The following COL20A1 variants were observed in gnomAD, a reference collection of about 807,000 sequenced individuals.
COL20A1 encodes the protein collagen type XX alpha 1 chain.
A neutral mutation model predicts 152.9 loss-of-function variants in COL20A1; 164 were observed. That is an observed-to-expected ratio of 1.07 (90% confidence interval 0.94 to 1.22). COL20A1 has a LOEUF of 1.22. Among genes scored for constraint, COL20A1 ranks in the 50% most tolerant of loss-of-function variants. The pLI is 0.00. For missense variants in COL20A1, 1,873 were observed against 1,744.8 expected, an observed-to-expected ratio of 1.07 and a Z score of -1.31; for synonymous variants, 864 against 756.0, an observed-to-expected ratio of 1.14 and a Z score of -2.34.
intron 6 of COL20A1, 33 bp downstream of exon 6, chr20:63,307,681 C>G (rs1213766903): frequency 6.3e-7 from 1 of 1,597,686 alleles, no homozygotes; most frequent in African/African-American, 1.3e-5. Context: ...TCCTGCCCCA[C>G]CCGGGTGTGG....
chr20:63,313,597 G>T lies in COL20A1; in HGVS notation c.2210-146G>T. ...GGTGTGGTGTGGTTGTGCCAGGGGG[G>T]TGATGCGGGCTGTGGTAGGGGTGTG... On this transcript the variant is annotated intron_variant, in intron 17 of 35. Coordinates refer to ENST00000358894, the MANE Select transcript of COL20A1 (RefSeq NM_020882.4). This position sits in a 1 kb window ranked among gnomAD's most constrained non-coding sequence, Gnocchi z 5.9. 2.5e-6 allele frequency: 2 copies of T among 788,298 alleles called. No individual in the cohort carries two copies. Among genetic ancestry groups the T allele is most frequent in the Non-Finnish European group, 3.9e-6 (2 of 511,182 alleles). The allele number at this position is 788,298 out of a possible 1,614,324, so 48.8% of individuals were successfully genotyped here. A position where few individuals can be genotyped will look rare whatever the true frequency, so the allele number is the denominator to read the frequency against.
chr20:63,310,621 C>T, intron 11 of COL20A1, 111 bp downstream of exon 11: 1 of 1,217,228 alleles, frequency 8.2e-7, no homozygotes, highest in Non-Finnish European at 1.1e-6. Flanking sequence ...GGATCTTAAC[C>T]ACCCACAGTT....
In COL20A1 at chr20:63,311,384, G is replaced by T. The variant is rs1202602215; in HGVS notation, c.1394-10G>T. On this transcript the variant is annotated splice_polypyrimidine_tract_variant and intron_variant, in intron 11 of 35. Transcript: ENST00000358894. This position sits in a 1 kb window ranked among gnomAD's most constrained non-coding sequence, Gnocchi z 4.4. ...GCTCCTTCCTAAAGTGTCCCTGCAT[G>T]GCCCCCCAGCACCTCTGCCTCCGCC... The T allele has an allele frequency of 1.3e-6, 2 of 1,574,808 alleles. No homozygotes were observed. The highest frequency in any genetic ancestry group is 8.6e-7 in the Non-Finnish European group (1 of 1,161,848).
intron 2 of COL20A1, among the ~76,000 whole-genome samples, chr20:63,296,098 G>A (rs1366068577): frequency 6.6e-6 from 1 of 152,262 alleles, no homozygotes; most frequent in African/African-American, 2.4e-5. Flanking sequence ...GTGTAGCGTG[G>A]AGCCGCCTGT....
In COL20A1 at chr20:63,305,287, TTC is replaced by T; in HGVS notation, c.194-128_194-127del. 1 of 671,624 alleles carries T rather than the reference TTC, an allele frequency of 1.5e-6. No individual in the cohort carries two copies. The highest frequency in any genetic ancestry group is 2.3e-6 in the Non-Finnish European group (1 of 439,530). 41.6% of individuals were successfully genotyped at this position (671,624 alleles called of 1,614,324 possible). A position where few individuals can be genotyped will look rare whatever the true frequency, so the allele number is the denominator to read the frequency against. On this transcript the variant is annotated intron_variant, in intron 3 of 35. Coordinates refer to ENST00000358894, the MANE Select transcript of COL20A1 (RefSeq NM_020882.4). The surrounding 1 kb of genome is among the most constrained non-coding windows in gnomAD (Gnocchi z 4.9). Reference sequence around the variant, plus strand: ...GTCCCTTCCATCAGACCCTCTCCCTTTCTGTCTCTCTGGCTTCAAGGGGAGCA... The same window carrying T: ...GTCCCTTCCATCAGACCCTCTCCCTTTGTCTCTCTGGCTTCAAGGGGAGCA...
chr20:63,328,263 C>A, intron 33 of COL20A1, 68 bp from the exon 34 acceptor site: 2 of 1,558,926 alleles, frequency 1.3e-6, no homozygotes, highest in South Asian at 1.2e-5. Flanking sequence ...GGTGTCCTGG[C>A]GTGGCCTGCA....
In COL20A1 at chr20:63,313,776, C is replaced by T. The variant is rs2068047807; in HGVS notation, c.2243C>T (p.Ala748Val). 5 of 1,607,972 alleles carry T rather than the reference C, an allele frequency of 3.1e-6. No homozygotes were observed. The highest frequency in any genetic ancestry group is 4.2e-6 in the Non-Finnish European group (5 of 1,177,656). ...AGCAGGAGCCCACCCTCCAACCTGG[C>T]CCTGGCCTCGGAGACCCCCGACAGC... The part of the protein sequence containing the change: ...TVSRSPPSNL[A>V]LASETPDSLQ... The change falls in exon 18 of 36, where the codon GCC (alanine) becomes GTC (valine). Residue 748 changes from alanine to valine, a missense_variant. Coordinates refer to ENST00000358894, the MANE Select transcript of COL20A1 (RefSeq NM_020882.4). This position sits in a 1 kb window ranked among gnomAD's most constrained non-coding sequence, Gnocchi z 5.9.
chr20:63,325,523 G>T (rs755663176), intron 28 of COL20A1, 29 bp downstream of exon 28: 1 of 1,600,238 alleles, frequency 6.2e-7, no homozygotes. Context: ...GGGGGCCACA[G>T]GGGTTGGTGG....
Position 63,334,755 on chromosome 20 carries a change from C to CA in COL20A1, c.*4042dup, listed in dbSNP as rs1462117250. The stretch of plus-strand genomic sequence containing the variant: ...ACAGTTTTTAGGGAAGATTCCAACT[C>CA]AAACAATTTTAAATAGTAGAAAATA... On this transcript the variant is annotated 3_prime_UTR_variant, in exon 36 of 36. Transcript: ENST00000358894. The CA allele has an allele frequency of 6.6e-6, 1 of 152,232 alleles. No individual in the cohort carries two copies. The highest frequency in any genetic ancestry group is 1.5e-5 in the Non-Finnish European group (1 of 68,054). 9.4% of individuals were successfully genotyped at this position (152,232 alleles called of 1,614,324 possible). A position where few individuals can be genotyped will look rare whatever the true frequency, so the allele number is the denominator to read the frequency against.
At position 63,325,500 on chromosome 20, in the gene COL20A1, G is replaced by A; in HGVS notation, c.3348+6G>A. The A allele has an allele frequency of 2.5e-6, 4 of 1,611,926 alleles. No individual in the cohort carries two copies. The South Asian group carries it at 3.3e-5, about 13-fold the overall frequency. ...ATGGGCTTCCAGGCTTGCAGGTAGT[G>A]TGGCTGGGGCCAGGGGGCCACAGGG... On this transcript the variant is annotated splice_donor_region_variant and intron_variant, in intron 28 of 35. Coordinates refer to ENST00000358894, the MANE Select transcript of COL20A1 (RefSeq NM_020882.4).
chr20:63,299,136 T>A (rs2123374943), intron 3 of COL20A1, among the ~76,000 whole-genome samples: 1 of 152,318 alleles, frequency 6.6e-6, no homozygotes, highest in East Asian at 1.9e-4. Flanking sequence ...CTGTGTGATC[T>A]CTTCTGCTAT....
intron 3 of COL20A1, among the ~76,000 whole-genome samples, chr20:63,299,342 C>G (rs966712433): frequency 2.6e-5 from 4 of 152,166 alleles, no homozygotes; most frequent in Admixed American, 1.3e-4. Flanking sequence ...TGTATACTCC[C>G]GTCAACACTG....
In COL20A1 at chr20:63,321,949, TG is replaced by T. The variant is rs1186311862; in HGVS notation, c.3241-105del. Reference sequence around the variant, plus strand: ...CAGCAGTGGACAGTCTGGGGCTGGGTGGGGCATGGGGCTCAGGGTGGGCCAG... The same window carrying T: ...CAGCAGTGGACAGTCTGGGGCTGGGTGGGCATGGGGCTCAGGGTGGGCCAG... On this transcript the variant is annotated intron_variant, in intron 26 of 35. Transcript: ENST00000358894. 6.3e-6 allele frequency: 5 copies of T among 790,128 alleles called. No homozygotes were observed. The East Asian group carries it at 1.3e-4, about 20-fold the overall frequency. The allele number at this position is 790,128 out of a possible 1,614,324, so 48.9% of individuals were successfully genotyped here. A position where few individuals can be genotyped will look rare whatever the true frequency, so the allele number is the denominator to read the frequency against.
At chr20:63,309,532 C>A (rs1300760435) in intron 9 of COL20A1, 35 bp downstream of exon 9, 7 of 1,458,682 alleles carry the variant, frequency 4.8e-6, no homozygotes, top group Non-Finnish European at 6.3e-6. Context: ...GGCTGCAGCC[C>A]CCCCGGCTGC....
rs1231425094 is a variant in COL20A1 at position 63,328,194 on chromosome 20, C to T, written c.3613+67C>T. 4 of 1,593,294 alleles carry T rather than the reference C, an allele frequency of 2.5e-6. No individual in the cohort carries two copies. The South Asian group carries it at 3.4e-5, about 13-fold the overall frequency. ...ACCTGTGCCTACCACACCTGTCTGT[C>T]CTCACACTGGCCAGGCCGAGGGAGG... On this transcript the variant is annotated intron_variant, in intron 33 of 35. Coordinates refer to ENST00000358894, the MANE Select transcript of COL20A1 (RefSeq NM_020882.4).
chr20:63,325,086 G>T (rs1408923525), intron 27 of COL20A1: 10 of 401,438 alleles, frequency 2.5e-5, no homozygotes, highest in Non-Finnish European at 4.3e-5. Context: ...GGTTCTCCCA[G>T]ACCCTCCCAG....
At chr20:63,327,874 C>T in intron 31 of COL20A1, 78 bp from the exon 32 acceptor site, 1 of 1,447,848 alleles carries the variant, frequency 6.9e-7, no homozygotes, top group Non-Finnish European at 9.5e-7. Flanking sequence ...GAGGATCCAC[C>T]TCAGGGCCAT....
chr20:63,322,110 G>A lies in COL20A1; in HGVS notation c.3293G>A (p.Arg1098Lys). ...GGAGAGCAGGGCTTCCCAGGGCCCA[G>A]GGTAAGTTTTGGGGAGCCCTGGGAG... Reference protein sequence around the residue: ...TPGEQGFPGPRGPPGVKGEKG... With the variant: ...TPGEQGFPGPKGPPGVKGEKG... The change falls in exon 27 of 36, where the codon AGG (arginine) becomes AAG (lysine). Residue 1098 changes from arginine (R) to lysine (K), a missense_variant and splice_region_variant. By Grantham distance (26) the Arg-to-Lys change is conservative (BLOSUM62 2). Coordinates refer to ENST00000358894, the MANE Select transcript of COL20A1 (RefSeq NM_020882.4). 3.3e-6 allele frequency: 5 copies of A among 1,499,464 alleles called. No homozygotes were observed. The South Asian group carries it at 3.9e-5, about 12-fold the overall frequency. The allele number at this position is 1,499,464 out of a possible 1,614,324, so 92.9% of individuals were successfully genotyped here. A position where few individuals can be genotyped will look rare whatever the true frequency, so the allele number is the denominator to read the frequency against.
chr20:63,319,911 G>A lies in COL20A1; in HGVS notation c.2917-128G>A, dbSNP rs1281679517. 3.3e-6 allele frequency: 3 copies of A among 898,070 alleles called. No homozygotes were observed. In the East Asian group the frequency reaches 8.0e-5, roughly 24 times the overall value. 55.6% of individuals were successfully genotyped at this position (898,070 alleles called of 1,614,324 possible). ...CTCCCAGGGTCCCCCGAAACCTGAG[G>A]TGAGGTCAGGTTCCTGACCCCAGGT... On this transcript the variant is annotated intron_variant, in intron 23 of 35. Transcript: ENST00000358894. The surrounding 1 kb of genome is among the most constrained non-coding windows in gnomAD (Gnocchi z 4.4).
Sources: allele counts gnomAD v4.1 joint callset (sites outside exome capture counted in the v4.1 genomes callset), GRCh38; gene constraint gnomAD v4.1.1; non-coding constraint Gnocchi (gnomAD v3.1); transcripts MANE v1.5; gene names NCBI Gene and HGNC (gene_info 2026-07-23, HGNC 2026-07-21).